The following PAH variants were observed in gnomAD, a reference collection of about 807,000 sequenced individuals.
PAH encodes the protein phenylalanine-4-hydroxylase.
A neutral mutation model predicts 62.0 loss-of-function variants in PAH; 64 were observed. The ratio of observed to expected loss-of-function variants is 1.03; its 90% CI spans 0.84 to 1.27. The LOEUF (loss-of-function observed/expected upper bound fraction) is 1.27, where lower values mean the gene tolerates loss of function less well. PAH is among the 50% of genes most tolerant of loss of function. The probability of loss-of-function intolerance (pLI) is 0.00; values close to 1 mark genes in which losing one functional copy is unlikely to be tolerated. For synonymous variants in PAH, 195 were observed against 196.2 expected (o/e 0.99, Z 0.05); for missense variants, 579 against 542.8 (o/e 1.07, Z -0.66).
intron 12 of PAH, 113 bp downstream of exon 12, chr12:102,840,287 C>A: frequency 1.4e-6 from 1 of 739,924 alleles, no homozygotes. Flanking sequence ...AGGTGCTTTT[C>A]TCCTTAATTA....
At chr12:102,950,438 C>T (rs1879700667) in intron 1 of PAH, among the ~76,000 whole-genome samples, 1 of 152,200 alleles carries the variant, frequency 6.6e-6, no homozygotes, top group South Asian at 2.1e-4. Context: ...CCAGGTTTGC[C>T]ACGGTGGTGG....
At chr12:102,922,276 C>T (rs888637319) in intron 1 of PAH, among the ~76,000 whole-genome samples, 2 of 151,352 alleles carry the variant, frequency 1.3e-5, no homozygotes, top group African/African-American at 2.4e-5. Flanking sequence ...TCACTGCAAC[C>T]TCCACCTCCC....
chr12:102,883,106 T>G (rs1291842960), intron 3 of PAH, among the ~76,000 whole-genome samples: 2 of 152,172 alleles, frequency 1.3e-5, no homozygotes, highest in Non-Finnish European at 2.9e-5. Flanking sequence ...GTATTAGATT[T>G]ATCGGCGCAG....
chr12:102,911,155 C>T (rs1014273036), intron 2 of PAH, among the ~76,000 whole-genome samples: 1 of 152,132 alleles, frequency 6.6e-6, no homozygotes, highest in Non-Finnish European at 1.5e-5. Context: ...GGACAGGGAA[C>T]CCAGCAGTTA....
rs1392904247 is a variant in PAH, at chr12:102,866,587, C to T, written c.509+9G>A. 1.1e-5 allele frequency: 18 copies of T among 1,610,932 alleles called. No homozygotes were observed. The highest frequency in any genetic ancestry group is 1.3e-5 in the Non-Finnish European group (15 of 1,177,288). ...TCTCTCTTCCCCTCAACAAGCAAGG[C>T]AGACTTACTGGCGGTAGTTGTAGGC... On this transcript the variant is annotated intron_variant, in intron 5 of 12. Transcript: ENST00000553106.
intron 3 of PAH, among the ~76,000 whole-genome samples, chr12:102,880,672 G>C (rs572038143): frequency 1.3e-5 from 2 of 152,220 alleles, no homozygotes; most frequent in African/African-American, 4.8e-5. Context: ...CACCTCCTGC[G>C]TACCAAGCAC....
At chr12:102,916,012 C>T (rs116626204) in intron 1 of PAH, among the ~76,000 whole-genome samples, 2,136 of 152,140 alleles carry the variant, frequency 0.014, 65 homozygotes, top group African/African-American at 0.05. Flanking sequence ...TTGTGGGGAC[C>T]GTATTGCCAG....
At chr12:102,950,856 T>C (rs890366846), upstream of PAH, 1 of 152,116 alleles carries the variant, frequency 6.6e-6, no homozygotes, top group East Asian at 1.9e-4. Context: ...AGAATGAACT[T>C]TCCGCGCAGG....
chr12:102,865,163 A>T (rs1875903840), intron 5 of PAH, among the ~76,000 whole-genome samples: 1 of 152,140 alleles, frequency 6.6e-6, no homozygotes, highest in Admixed American at 6.6e-5. Context: ...AAGGTTTCAC[A>T]TTTCTATGAG....
At chr12:102,911,000 C>A (rs1878181706) in intron 2 of PAH, among the ~76,000 whole-genome samples, 1 of 152,160 alleles carries the variant, frequency 6.6e-6, no homozygotes, top group Non-Finnish European at 1.5e-5. Flanking sequence ...TGGCTTCAGG[C>A]AAGCTTCCTT....
rs1182277046 is a variant in PAH at position 102,868,126 on chromosome 12, GTATATA to G, written c.442-1469_442-1464del. On this transcript the variant is annotated intron_variant, in intron 4 of 12. Coordinates refer to ENST00000553106, the MANE Select transcript of PAH (RefSeq NM_000277.3). ...TATACACATATATATACATATATGTGTATATATATATATATATATATATATATACAC... is the reference window on the plus strand; with the variant it reads ...TATACACATATATATACATATATGTGTATATATATATATATATATATACAC... Among the ~76,000 whole-genome samples the G allele has an allele frequency of 4.8e-3, 31 of 6,428 alleles. 2 individuals are homozygous for G. Among genetic ancestry groups the G allele is most frequent in the Non-Finnish European group, 0.013 (28 of 2,082 alleles). 4.2% of individuals were successfully genotyped at this position (6,428 alleles called of 152,430 possible). A position where few individuals can be genotyped will look rare whatever the true frequency, so the allele number is the denominator to read the frequency against.
At chr12:102,892,663 T>C (rs1416205957) in intron 3 of PAH, among the ~76,000 whole-genome samples, 7 of 152,232 alleles carry the variant, frequency 4.6e-5, no homozygotes, top group Non-Finnish European at 1.0e-4. Flanking sequence ...TAAATATGTA[T>C]TGCTAAATGG....
At chr12:102,894,988 G>T in intron 2 of PAH, 70 bp from the exon 3 acceptor site, 1 of 1,146,010 alleles carries the variant, frequency 8.7e-7, no homozygotes, top group Non-Finnish European at 1.3e-6. Context: ...TGCAGAACCA[G>T]AACAGGAAAA....
rs1879948798 is a variant in PAH at position 102,957,402 on chromosome 12, C to A, written c.-96+793G>T. 6.6e-6 allele frequency among the ~76,000 whole-genome samples: 1 copy of A among 152,054 alleles called. No homozygotes were observed. The highest frequency in any genetic ancestry group is 1.5e-5 in the Non-Finnish European group (1 of 68,004). ...CGAGCGCGCCGCCTGTTTATTCAGC[C>A]GGGAGTCCGGCACGCGCCAGGCGCA... On this transcript the variant is annotated intron_variant, in intron 1 of 4. Transcript: ENST00000551337. The surrounding 1 kb of genome is among the most constrained non-coding windows in gnomAD (Gnocchi z 4.1).
exon 1 of PAH, chr12:102,958,322 G>C: frequency 6.8e-7 from 1 of 1,470,760 alleles, no homozygotes. Context: ...CCTTCCTGCC[G>C]CCCGCAGCCT....
intron 6 of PAH, among the ~76,000 whole-genome samples, chr12:102,854,511 A>G (rs1443545356): frequency 7.2e-5 from 11 of 152,188 alleles, no homozygotes; most frequent in Non-Finnish European, 1.6e-4. Context: ...TCAGATTTCA[A>G]TTCAGTCCAA....
chr12:102,885,405 G>C (rs1186366426), intron 3 of PAH, among the ~76,000 whole-genome samples: 1 of 152,186 alleles, frequency 6.6e-6, no homozygotes. Flanking sequence ...CGGCCGGTGG[G>C]CTGGCCTCTG....
intron 2 of PAH, among the ~76,000 whole-genome samples, chr12:102,907,834 G>T (rs573338482): frequency 6.6e-6 from 1 of 152,042 alleles, no homozygotes; most frequent in South Asian, 2.1e-4. Context: ...GGCCAGGCTG[G>T]TTTGAACTCC....
chr12:102,865,256 CTCCT>C (rs1875907585), intron 5 of PAH, among the ~76,000 whole-genome samples: 1 of 152,142 alleles, frequency 6.6e-6, no homozygotes, highest in East Asian at 1.9e-4. Context: ...TAAGCACCTC[CTCCT>C]TGATTATATG....
Sources: gnomAD v4.1 joint callset for allele counts (sites outside exome capture counted in the v4.1 genomes callset) on GRCh38, gnomAD v4.1.1 for gene constraint, Gnocchi (gnomAD v3.1) non-coding constraint, MANE v1.5 for transcripts, NCBI Gene and HGNC (gene_info 2026-07-23, HGNC 2026-07-21) for gene names.